The following PIK3AP1 variants were observed in gnomAD, a reference collection of about 807,000 sequenced individuals.
PIK3AP1 encodes phosphoinositide 3-kinase adapter protein 1.
A neutral mutation model predicts 88.1 loss-of-function variants in PIK3AP1; 21 were observed. The ratio of observed to expected loss-of-function variants is 0.24; its 90% CI spans 0.17 to 0.34. The LOEUF (loss-of-function observed/expected upper bound fraction) is 0.34, where lower values mean the gene tolerates loss of function less well. PIK3AP1 is among the 10% of genes least tolerant of loss of function. PIK3AP1 has a pLI of 1.00. For missense variants in PIK3AP1, 828 were observed against 1,035.7 expected, an observed-to-expected ratio of 0.80 and a Z score of 2.75; for synonymous variants, 398 against 400.0, an observed-to-expected ratio of 1.00 and a Z score of 0.06.
intron 3 of PIK3AP1, 102 bp downstream of exon 3, chr10:96,656,696 T>C (rs1451110963): frequency 1.4e-6 from 2 of 1,479,794 alleles, no homozygotes; most frequent in Admixed American, 3.8e-5. Flanking sequence ...GCAATTATAC[T>C]GAGGTGCAAT....
intron 2 of PIK3AP1, among the ~76,000 whole-genome samples, chr10:96,706,860 C>T (rs1165410266): frequency 1.3e-5 from 2 of 152,160 alleles, no homozygotes; most frequent in Non-Finnish European, 2.9e-5. Flanking sequence ...AAAAGCAAAC[C>T]CAAGTCATCC....
At chr10:96,614,432 C>A (rs1056890707) in intron 13 of PIK3AP1, among the ~76,000 whole-genome samples, 1 of 151,496 alleles carries the variant, frequency 6.6e-6, no homozygotes, top group Non-Finnish European at 1.5e-5. Context: ...TCCTCTCAAC[C>A]AGGAGGACAG....
chr10:96,718,757 G>A (rs1361735179), intron 1 of PIK3AP1, among the ~76,000 whole-genome samples: 2 of 152,116 alleles, frequency 1.3e-5, no homozygotes, highest in Non-Finnish European at 2.9e-5. Flanking sequence ...CTCCCAGTTT[G>A]CGGTTTCCTG....
At chr10:96,702,656 CTA>C (rs1208388217) in intron 2 of PIK3AP1, among the ~76,000 whole-genome samples, 13 of 149,156 alleles carry the variant, frequency 8.7e-5, no homozygotes, top group East Asian at 2.0e-4. Context: ...ACAATGGTAA[CTA>C]TGTGTGCTGA....
chr10:96,708,926 T>G (rs921169641), intron 2 of PIK3AP1, among the ~76,000 whole-genome samples: 1 of 149,488 alleles, frequency 6.7e-6, no homozygotes, highest in Non-Finnish European at 1.5e-5. Flanking sequence ...ATATCAGGAG[T>G]TCAAGATCAG....
Position 96,681,835 on chromosome 10 carries a change from C to G in PIK3AP1, c.431-24901G>C, listed in dbSNP as rs564894556. On this transcript the variant is annotated intron_variant, in intron 2 of 16. Coordinates refer to ENST00000339364, the MANE Select transcript of PIK3AP1 (RefSeq NM_152309.3). ...CCTGAGTGCCTGTATCACAGAGTGA[C>G]TATGCCTGTATGCAATTACCCACGA... 2.8e-4 allele frequency among the ~76,000 whole-genome samples: 43 copies of G among 152,258 alleles called. 1 individual carries two copies. The highest frequency in any genetic ancestry group is 3.4e-3 in the Middle Eastern group (1 of 294).
chr10:96,694,948 G>A (rs1042109251), intron 2 of PIK3AP1, among the ~76,000 whole-genome samples: 3 of 152,020 alleles, frequency 2.0e-5, no homozygotes, highest in Non-Finnish European at 2.9e-5. Flanking sequence ...TGCATGCCCC[G>A]GACCATGGGA....
intron 8 of PIK3AP1, among the ~76,000 whole-genome samples, chr10:96,630,094 T>C (rs972402830): frequency 2.4e-4 from 36 of 152,080 alleles, no homozygotes; most frequent in African/African-American, 6.0e-4. Flanking sequence ...ATTTTAGCTT[T>C]TCAGCCTATT....
chr10:96,602,274 T>C lies in PIK3AP1; in HGVS notation c.2360+6A>G, dbSNP rs1848911558. On this transcript the variant is annotated splice_donor_region_variant and intron_variant, in intron 16 of 16. Coordinates refer to ENST00000339364, the MANE Select transcript of PIK3AP1 (RefSeq NM_152309.3). Reference sequence around the variant, plus strand: ...GGGAAAAATTTCATATCAGTTTTGATGTTACCTCTGTGAGGCAGCTCTCGG... The same window carrying C: ...GGGAAAAATTTCATATCAGTTTTGACGTTACCTCTGTGAGGCAGCTCTCGG... 6.3e-7 allele frequency: 1 copy of C among 1,591,340 alleles called. No individual in the cohort carries two copies. The highest frequency in any genetic ancestry group is 8.6e-7 in the Non-Finnish European group (1 of 1,163,944).
chr10:96,628,434 C>T lies in PIK3AP1; in HGVS notation c.1435G>A (p.Ala479Thr), dbSNP rs775715601. The T allele has an allele frequency of 3.1e-6, 5 of 1,613,406 alleles. No individual in the cohort carries two copies. The highest frequency in any genetic ancestry group is 4.2e-6 in the Non-Finnish European group (5 of 1,179,532). Reference sequence around the variant, plus strand: ...TTGCGGATCATAGAGTCCTTAGTGGCCCGAGAGAAACCATCTCCAGGGATT... The same window carrying T: ...TTGCGGATCATAGAGTCCTTAGTGGTCCGAGAGAAACCATCTCCAGGGATT... ...NPIPGDGFSRATKDSMIRKFL... is the reference protein window; with the variant it reads ...NPIPGDGFSRTTKDSMIRKFL... The change falls in exon 9 of 17, where the codon GCC becomes ACC. Residue 479 changes from alanine to threonine, a missense_variant. This residue lies in a region of PIK3AP1 where 610 missense variants were observed against 760.1 expected (regional missense o/e 0.80). Coordinates refer to ENST00000339364, the MANE Select transcript of PIK3AP1 (RefSeq NM_152309.3).
intron 8 of PIK3AP1, among the ~76,000 whole-genome samples, chr10:96,630,753 G>T (rs369851640): frequency 7.7e-4 from 117 of 152,152 alleles, no homozygotes; most frequent in African/African-American, 2.7e-3. Flanking sequence ...TGGGGTGGGA[G>T]AATTGCTTGA....
chr10:96,649,469 C>T (rs1235776130), intron 6 of PIK3AP1, among the ~76,000 whole-genome samples: 1 of 152,216 alleles, frequency 6.6e-6, no homozygotes, highest in African/African-American at 2.4e-5. Flanking sequence ...GCTTAACTAG[C>T]AGCCACACAG....
intron 16 of PIK3AP1, among the ~76,000 whole-genome samples, chr10:96,600,255 A>G (rs914678041): frequency 7.2e-5 from 11 of 152,202 alleles, no homozygotes; most frequent in African/African-American, 2.7e-4. Flanking sequence ...ATAACACTAA[A>G]TACCTACGTC....
At chr10:96,616,501 G>T in intron 13 of PIK3AP1, 138 bp downstream of exon 13, 1 of 845,838 alleles carries the variant, frequency 1.2e-6, no homozygotes, top group East Asian at 2.5e-5. Flanking sequence ...ACAGTCTAGT[G>T]GGGGACCCAG....
In PIK3AP1 at chr10:96,609,959, CAGG is replaced by C. The variant is rs570662444; in HGVS notation, c.2015-95_2015-93del. 119 of 1,459,656 alleles carry C rather than the reference CAGG, an allele frequency of 8.2e-5. No individual in the cohort carries two copies. In the African/African-American group the frequency reaches 1.5e-3, roughly 19 times the overall value. 90.4% of individuals were successfully genotyped at this position (1,459,656 alleles called of 1,614,324 possible). A position where few individuals can be genotyped will look rare whatever the true frequency, so the allele number is the denominator to read the frequency against. On this transcript the variant is annotated intron_variant, in intron 13 of 16. Coordinates refer to ENST00000339364, the MANE Select transcript of PIK3AP1 (RefSeq NM_152309.3). ...AGCTTCCCTCCACCTGCCTCTCTCA[CAGG>C]AGCCTGCATGGGAAGGGGAAGGGGA...
At chr10:96,648,620 T>C in intron 7 of PIK3AP1, 39 bp downstream of exon 7, 1 of 1,564,600 alleles carries the variant, frequency 6.4e-7, no homozygotes, top group Non-Finnish European at 8.6e-7. Flanking sequence ...TACCACAGAG[T>C]GCATTTCCAA....
chr10:96,625,005 G>A (rs1843135997), intron 10 of PIK3AP1, among the ~76,000 whole-genome samples: 1 of 152,220 alleles, frequency 6.6e-6, no homozygotes, highest in South Asian at 2.1e-4. Flanking sequence ...AAGGATTCAA[G>A]TGCAAGTTGT....
At chr10:96,647,403 T>C (rs749744013) in intron 7 of PIK3AP1, among the ~76,000 whole-genome samples, 2 of 152,198 alleles carry the variant, frequency 1.3e-5, no homozygotes, top group Non-Finnish European at 2.9e-5. Flanking sequence ...GATAATACAT[T>C]TTCAAATCAA....
At chr10:96,662,989 C>G (rs1341882648) in intron 2 of PIK3AP1, among the ~76,000 whole-genome samples, 4 of 147,724 alleles carry the variant, frequency 2.7e-5, no homozygotes, top group African/African-American at 5.0e-5. Context: ...CTGATAAATG[C>G]TACAGCATGC....
Sources: gnomAD v4.1 joint callset for allele counts (sites outside exome capture counted in the v4.1 genomes callset) on GRCh38, gnomAD v4.1.1 for gene constraint, gnomAD v4.1.1 regional missense constraint, MANE v1.5 for transcripts, NCBI Gene and HGNC (gene_info 2026-07-23, HGNC 2026-07-21) for gene names.